Variants in PCYOX1L observed in about 807,000 individuals in gnomAD.
The protein encoded by PCYOX1L is prenylcysteine oxidase 1 like.
A neutral mutation model predicts 44.1 loss-of-function variants in PCYOX1L; 40 were observed. The ratio of observed to expected loss-of-function variants is 0.91; its 90% confidence interval spans 0.70 to 1.18. The LOEUF (loss-of-function observed/expected upper bound fraction) is 1.18, where lower values mean the gene tolerates loss of function less well. Among genes scored for constraint, PCYOX1L ranks in the 50% most tolerant of loss-of-function variants. PCYOX1L has a pLI of 0.00. For synonymous variants in PCYOX1L, 266 were observed against 282.8 expected, an observed-to-expected ratio of 0.94 and a Z score of 0.60; for missense variants, 605 against 653.3, an observed-to-expected ratio of 0.93 and a Z score of 0.81.
In PCYOX1L at chr5:149,366,136, C is replaced by T. The variant is rs148427934; in HGVS notation, c.665C>T (p.Ala222Val). Residue 222 changes from alanine to valine, a missense_variant, in exon 4 of 6, where the codon GCG (alanine) becomes GTG (valine). Coordinates refer to ENST00000274569, the MANE Select transcript of PCYOX1L (RefSeq NM_024028.4). ...CGGGCCAGCTATGGCCAGTCAGCAG[C>T]GATGCCCGCCTTTGCAGGTAAGCGT... The part of the protein sequence containing the change: ...VLRASYGQSA[A>V]MPAFAGAMSL... 4.8e-4 allele frequency: 780 copies of T among 1,612,482 alleles called. 1 individual carries two copies. The African/African-American group carries it at 8.4e-3, about 17-fold the overall frequency.
At chr5:149,360,551 ACT>A (rs951546161) in intron 1 of PCYOX1L, among the ~76,000 whole-genome samples, 7 of 152,064 alleles carry the variant, frequency 4.6e-5, no homozygotes, top group African/African-American at 1.5e-4. Flanking sequence ...GTGATCATGC[ACT>A]CTCTCTCTGT....
At chr5:149,358,277 A>G in intron 1 of PCYOX1L, 121 bp downstream of exon 1, 3 of 1,254,140 alleles carry the variant, frequency 2.4e-6, no homozygotes, top group Non-Finnish European at 3.0e-6. Flanking sequence ...TCGGAAAAGG[A>G]GCTGGGTGGA....
At chr5:149,358,304 G>A in intron 1 of PCYOX1L, 148 bp downstream of exon 1, 2 of 1,207,160 alleles carry the variant, frequency 1.7e-6, no homozygotes, top group Non-Finnish European at 2.1e-6. Context: ...GCGCCGAAGG[G>A]GACGCGGCAG....
chr5:149,366,255 T>C, intron 4 of PCYOX1L, 102 bp downstream of exon 4: 1 of 1,237,066 alleles, frequency 8.1e-7, no homozygotes, highest in Non-Finnish European at 1.1e-6. Flanking sequence ...ATCCAGCTCA[T>C]TGCAGTCACA....
Position 149,358,085 on chromosome 5 carries a change from C to T in PCYOX1L, c.17C>T (p.Pro6Leu), listed in dbSNP as rs760672430. 8 of 1,433,052 alleles carry T rather than the reference C, an allele frequency of 5.6e-6. No homozygotes were observed. Among genetic ancestry groups the T allele is most frequent in the East Asian group, 6.1e-5 (2 of 32,628 alleles). 88.8% of individuals were successfully genotyped at this position (1,433,052 alleles called of 1,614,324 possible). A position where few individuals can be genotyped will look rare whatever the true frequency, so the allele number is the denominator to read the frequency against. ...CCGCCCGCCATGGCCCGCGCAGCCC[C>T]GCTGCTCGCCGCGTTGACCGCGCTC... MARAA[P>L]LLAALTALLA... Residue 6 changes from proline (P) to leucine (L), a missense_variant, in exon 1 of 6, where the codon CCG becomes CTG. Transcript: ENST00000274569.
intron 3 of PCYOX1L, chr5:149,364,988 G>A (rs2127613850): frequency 6.6e-6 from 1 of 152,630 alleles, no homozygotes; most frequent in African/African-American, 2.4e-5. Flanking sequence ...CTGCTCCCCG[G>A]ACCCCATCAC....
At position 149,363,678 on chromosome 5, in the gene PCYOX1L, A is replaced by C. The variant is rs534208530; in HGVS notation, c.296-358A>C. On this transcript the variant is annotated intron_variant, in intron 2 of 5. Coordinates refer to ENST00000274569, the MANE Select transcript of PCYOX1L (RefSeq NM_024028.4). ...ACTGCTCTGTCAAGTTGCAGAGTGC[A>C]GGATGGCTGTAAGGAGCTAGGATAA... 7.0e-4 allele frequency: 214 copies of C among 304,996 alleles called. 2 individuals carry two copies. Among genetic ancestry groups the C allele is most frequent in the South Asian group, 6.7e-3 (193 of 28,824 alleles). The allele number at this position is 304,996 out of a possible 1,614,324, so 18.9% of individuals were successfully genotyped here.
intron 3 of PCYOX1L, chr5:149,364,458 G>A (rs1490380292): frequency 5.1e-6 from 2 of 392,864 alleles, no homozygotes. Flanking sequence ...ACTAATAAAA[G>A]CATGGGTTGC....
At position 149,365,960 on chromosome 5, in the gene PCYOX1L, C is replaced by A. The variant is rs766278995; in HGVS notation, c.489C>A (p.Ala163=). 5 of 1,614,206 alleles carry A rather than the reference C, an allele frequency of 3.1e-6. No homozygotes were observed. The South Asian group carries it at 5.5e-5, about 18-fold the overall frequency. ...EKFMRIYKYQ[A]HGYAFSGVEE... is the part of the protein sequence containing the mutation. ...CTTCTAGGATCTATAAGTACCAGGC[C>A]CACGGCTATGCCTTCTCGGGTGTGG... Residue 163 remains alanine, a synonymous_variant, in exon 4 of 6, where the codon GCC becomes GCA. Coordinates refer to ENST00000274569, the MANE Select transcript of PCYOX1L (RefSeq NM_024028.4).
chr5:149,367,018 G>C (rs1758233211), intron 4 of PCYOX1L, among the ~76,000 whole-genome samples: 1 of 151,982 alleles, frequency 6.6e-6, no homozygotes, highest in Admixed American at 6.6e-5. Flanking sequence ...AAACCCCCTT[G>C]CCCTTTAGCC....
Position 149,367,561 on chromosome 5 carries a change from T to TCCTTTGTACCTCA in PCYOX1L, c.823+61_823+62insCCTTTGTACCTCA. 3 of 1,593,762 alleles carry TCCTTTGTACCTCA rather than the reference T, an allele frequency of 1.9e-6. 1 individual carries two copies. In the South Asian group the frequency reaches 3.4e-5, roughly 18 times the overall value. On this transcript the variant is annotated intron_variant, in intron 5 of 5. Transcript: ENST00000274569. ...TTCCCAGCCAGTGGACAGACACTTC[T>TCCTTTGTACCTCA]GCCTCCTTTGTACCTCAGCCCTGGT...
Position 149,366,111 on chromosome 5 carries a change from C to T in PCYOX1L, c.640C>T (p.Arg214Trp), listed in dbSNP as rs781476857. ...FIDDVVSAVL[R>W]ASYGQSAAMP... Reference sequence around the variant, plus strand: ...TGATGATGTCGTTTCTGCTGTCCTGCGGGCCAGCTATGGCCAGTCAGCAGC... The same window carrying T: ...TGATGATGTCGTTTCTGCTGTCCTGTGGGCCAGCTATGGCCAGTCAGCAGC... The change falls in exon 4 of 6, where the codon CGG becomes TGG. Residue 214 changes from arginine (R) to tryptophan (W), a missense_variant. Physicochemically the swap from Arg to Trp is moderately radical, Grantham distance 101. Coordinates refer to ENST00000274569, the MANE Select transcript of PCYOX1L (RefSeq NM_024028.4). 52 of 1,613,764 alleles carry T rather than the reference C, an allele frequency of 3.2e-5. No individual in the cohort carries two copies. Among genetic ancestry groups the T allele is most frequent in the Middle Eastern group, 3.4e-4 (2 of 5,928 alleles).
At chr5:149,366,382 G>A (rs1318359259) in intron 4 of PCYOX1L, among the ~76,000 whole-genome samples, 2 of 152,250 alleles carry the variant, frequency 1.3e-5, no homozygotes, top group Non-Finnish European at 2.9e-5. Context: ...GGTCCAGTGT[G>A]TTTCTACCAC....
At position 149,358,096 on chromosome 5, in the gene PCYOX1L, G is replaced by T. The variant is rs1433715165; in HGVS notation, c.28G>T (p.Ala10Ser). The T allele has an allele frequency of 1.4e-6, 2 of 1,447,362 alleles. No homozygotes were observed. Among genetic ancestry groups the T allele is most frequent in the Admixed American group, 2.5e-5 (1 of 39,826 alleles). The allele number at this position is 1,447,362 out of a possible 1,614,324, so 89.7% of individuals were successfully genotyped here. The part of the protein sequence containing the change: MARAAPLLA[A>S]LTALLAAAAA... ...GGCCCGCGCAGCCCCGCTGCTCGCC[G>T]CGTTGACCGCGCTCCTCGCCGCCGC... Residue 10 changes from alanine (A) to serine (S), a missense_variant, in exon 1 of 6, where the codon GCG becomes TCG. Transcript: ENST00000274569.
intron 1 of PCYOX1L, among the ~76,000 whole-genome samples, chr5:149,358,566 TCA>T (rs1491094240): frequency 6.6e-6 from 1 of 152,082 alleles, no homozygotes; most frequent in Non-Finnish European, 1.5e-5. Context: ...GGTAGAGCCC[TCA>T]CAGTACAGGG....
intron 1 of PCYOX1L, among the ~76,000 whole-genome samples, chr5:149,361,353 CAG>C (rs1758003926): frequency 6.6e-6 from 1 of 152,124 alleles, no homozygotes; most frequent in African/African-American, 2.4e-5. Context: ...GCCTGGGCAA[CAG>C]AGCCAGATCC....
At chr5:149,364,419 C>T (rs1228992431) in intron 3 of PCYOX1L, 5 of 571,630 alleles carry the variant, frequency 8.7e-6, no homozygotes, top group Admixed American at 3.1e-5. Flanking sequence ...CACATTGACT[C>T]TCATTTTCTT....
In PCYOX1L at chr5:149,368,142, G is replaced by C. The variant is rs375680310; in HGVS notation, c.973G>C (p.Val325Leu). ...FAGFHPPIDDVQGSFQPTVVS... is the reference protein window; with the variant it reads ...FAGFHPPIDDLQGSFQPTVVS... ...AGGCTTCCACCCGCCCATTGATGAC[G>C]TGCAGGGCTCTTTCCAGCCCACCGT... is the stretch of plus-strand genomic sequence containing the variant. Residue 325 changes from valine to leucine, a missense_variant, in exon 6 of 6, where the codon GTG becomes CTG. Coordinates refer to ENST00000274569, the MANE Select transcript of PCYOX1L (RefSeq NM_024028.4). 6.2e-7 allele frequency: 1 copy of C among 1,613,430 alleles called. No homozygotes were observed. The highest frequency in any genetic ancestry group is 8.5e-7 in the Non-Finnish European group (1 of 1,179,634).
Position 149,362,766 on chromosome 5 carries a change from A to G in PCYOX1L, c.218A>G (p.Asn73Ser). 2 of 1,614,198 alleles carry G rather than the reference A, an allele frequency of 1.2e-6. No homozygotes were observed. The highest frequency in any genetic ancestry group is 1.7e-6 in the Non-Finnish European group (2 of 1,180,038). ...VGGRLATISV[N>S]KQHYESGAAS... Reference sequence around the variant, plus strand: ...GGCCGCTTGGCCACCATCTCAGTCAACAAGCAGCACTATGAGAGCGGGGCT... The same window carrying G: ...GGCCGCTTGGCCACCATCTCAGTCAGCAAGCAGCACTATGAGAGCGGGGCT... Residue 73 changes from asparagine to serine, a missense_variant, in exon 2 of 6, where the codon AAC becomes AGC. By Grantham distance (46) the Asn-to-Ser change is conservative. Transcript: ENST00000274569.
Sources: gnomAD v4.1 joint callset for allele counts (sites outside exome capture counted in the v4.1 genomes callset) on GRCh38, gnomAD v4.1.1 for gene constraint, MANE v1.5 for transcripts, NCBI Gene and HGNC (gene_info 2026-07-23, HGNC 2026-07-21) for gene names.